Variants in NPHP4 observed in about 807,000 individuals in gnomAD.
The protein encoded by NPHP4 is nephrocystin 4, also known as nephrocystin-4.
NPHP4 carries 151 observed loss-of-function variants against 155.8 expected under a neutral mutation model. The observed-to-expected ratio is 0.97, with a 90% confidence interval of 0.85 to 1.11. The LOEUF (loss-of-function observed/expected upper bound fraction) is 1.11, where lower values mean the gene tolerates loss of function less well. Ranked by LOEUF, NPHP4 falls within the 50% of genes least tolerant of loss-of-function variation. NPHP4 has a pLI of 0.00. For missense variants in NPHP4, 1,956 were observed against 1,925.7 expected, an observed-to-expected ratio of 1.02 and a Z score of -0.29; for synonymous variants, 845 against 816.8, an observed-to-expected ratio of 1.03 and a Z score of -0.59.
chr1:5,863,816 A>C, intron 29 of NPHP4, 74 bp downstream of exon 29: 3 of 1,508,708 alleles, frequency 2.0e-6, no homozygotes, highest in South Asian at 2.3e-5. Flanking sequence ...ACTCGCTCCT[A>C]AATGCAGGCT....
chr1:5,877,389 A>G (rs1270192503), intron 19 of NPHP4, 91 bp from the exon 20 acceptor site: 1 of 1,022,164 alleles, frequency 9.8e-7, no homozygotes, highest in African/African-American at 1.6e-5. Flanking sequence ...GACCACCTAT[A>G]TAGGGAGGGA....
intron 9 of NPHP4, 60 bp from the exon 10 acceptor site, chr1:5,933,389 G>T: frequency 1.5e-6 from 2 of 1,349,578 alleles, no homozygotes; most frequent in South Asian, 1.2e-5. Flanking sequence ...CTGGAGAGGG[G>T]AAATCAACAG....
chr1:5,988,329 C>T lies in NPHP4; in HGVS notation c.-38-2002G>A, dbSNP rs1655778271. ...TTTCCTTCACATACTTCAACCAAGG[C>T]AACACAAGGCAACAGACTGAGTACA... On this transcript the variant is annotated intron_variant, in intron 1 of 29. Coordinates refer to ENST00000378156, the MANE Select transcript of NPHP4 (RefSeq NM_015102.5). Among the ~76,000 whole-genome samples, 4 of 152,170 alleles carry T rather than the reference C, an allele frequency of 2.6e-5. No homozygotes were observed. The South Asian group carries it at 8.3e-4, about 31-fold the overall frequency.
At chr1:5,986,375 T>C (rs1655495770) in intron 1 of NPHP4, 48 bp from the exon 2 acceptor site, 1 of 1,441,388 alleles carries the variant, frequency 6.9e-7, no homozygotes, top group African/African-American at 1.4e-5. Context: ...AGGGCTACAG[T>C]GGTCACAGCA....
intron 6 of NPHP4, among the ~76,000 whole-genome samples, chr1:5,957,112 C>T (rs1416528088): frequency 6.6e-6 from 1 of 152,200 alleles, no homozygotes; most frequent in Non-Finnish European, 1.5e-5. Context: ...GCAGCAGAGG[C>T]GTTCTGCCCT....
intron 9 of NPHP4, among the ~76,000 whole-genome samples, chr1:5,938,813 C>T (rs1242317363): frequency 1.3e-5 from 2 of 152,174 alleles, no homozygotes; most frequent in Non-Finnish European, 2.9e-5. Context: ...ACATCAGAAT[C>T]GTCTGAATCA....
At chr1:5,932,390 T>C (rs1646321506) in intron 10 of NPHP4, among the ~76,000 whole-genome samples, 1 of 152,186 alleles carries the variant, frequency 6.6e-6, no homozygotes, top group Non-Finnish European at 1.5e-5. Context: ...ATATTCTAAA[T>C]ATTACATCTA....
At chr1:5,991,503 G>A (rs1362193181) in intron 1 of NPHP4, 1 of 152,272 alleles carries the variant, frequency 6.6e-6, no homozygotes. Flanking sequence ...ACACACGGAG[G>A]CAGAAAGCAG....
At chr1:5,946,277 A>G (rs945400877) in intron 9 of NPHP4, among the ~76,000 whole-genome samples, 22 of 152,202 alleles carry the variant, frequency 1.4e-4, no homozygotes, top group African/African-American at 5.3e-4. Context: ...AAGAATCTAC[A>G]TTAATATAAA....
In NPHP4 at chr1:5,904,735, G is replaced by A. The variant is rs1443623852; in HGVS notation, c.2025C>T (p.Phe675=). The A allele has an allele frequency of 1.9e-6, 3 of 1,614,002 alleles. No individual in the cohort carries two copies. The highest frequency in any genetic ancestry group is 2.2e-5 in the East Asian group (1 of 44,882). The stretch of plus-strand genomic sequence containing the variant: ...GCAGTCGTGGCGTCGTTGCGGGTGG[G>A]AAGCGGTAGAACTGGAAGGTGAAAT... ...TVYFTFQFYR[F]PPATTPRLQL... is the part of the protein sequence containing the mutation. The change falls in exon 16 of 30, where the codon TTC becomes TTT. Residue 675 remains phenylalanine, a synonymous_variant. Coordinates refer to ENST00000378156, the MANE Select transcript of NPHP4 (RefSeq NM_015102.5).
chr1:5,986,180 C>T lies in NPHP4; in HGVS notation c.110G>A (p.Trp37Ter). 1.9e-6 allele frequency: 3 copies of T among 1,613,868 alleles called. No individual in the cohort carries two copies. The highest frequency in any genetic ancestry group is 2.2e-5 in the South Asian group (2 of 91,042). ...CTGCCTAATTACCGGTCCGTCCAGCCACTTGAGGACACACTGGAATGCCGT... is the reference window on the plus strand; with the variant it reads ...CTGCCTAATTACCGGTCCGTCCAGCTACTTGAGGACACACTGGAATGCCGT... ...ESTAFQCVLKWLDGPVIRQGV... is the reference protein window; with the variant it reads ...ESTAFQCVLK Residue 37 changes from tryptophan (W) to a stop codon, truncating the protein, a stop_gained, in exon 2 of 30, where the codon TGG becomes TAG. Transcript: ENST00000378156. LOFTEE classifies it high-confidence loss of function.
At chr1:5,958,605 G>C (rs1421048545) in intron 6 of NPHP4, among the ~76,000 whole-genome samples, 5 of 151,946 alleles carry the variant, frequency 3.3e-5, no homozygotes, top group Non-Finnish European at 7.4e-5. Flanking sequence ...TGAGGGAGGA[G>C]GATCACTTGA....
chr1:5,947,834 C>T (rs1426774065), intron 8 of NPHP4, among the ~76,000 whole-genome samples: 1 of 151,992 alleles, frequency 6.6e-6, no homozygotes, highest in Non-Finnish European at 1.5e-5. Context: ...CAGCTGGAAG[C>T]ATCCATAATG....
chr1:5,872,887 T>C (rs1642148873), intron 23 of NPHP4, among the ~76,000 whole-genome samples: 1 of 152,152 alleles, frequency 6.6e-6, no homozygotes, highest in African/African-American at 2.4e-5. Flanking sequence ...TACGTCTTAT[T>C]TCCAGGAAGA....
At position 5,933,165 on chromosome 1, in the gene NPHP4, G is replaced by A. The variant is rs371364599; in HGVS notation, c.1284C>T (p.Ala428=). 9 of 1,595,376 alleles carry A rather than the reference G, an allele frequency of 5.6e-6. No individual in the cohort carries two copies. Among genetic ancestry groups the A allele is most frequent in the Non-Finnish European group, 6.9e-6 (8 of 1,166,680 alleles). ...AATTTACCTCTTCAGAGCTCATGCT[G>A]GCTGAGGGTACCTTGTAGACCAGAC... ...SHCLVYKVPS[A]SMSSEEVKQV... Residue 428 remains alanine (A), a synonymous_variant, in exon 10 of 30, where the codon GCC becomes GCT. Transcript: ENST00000378156.
At chr1:5,959,811 C>T (rs2011197) in intron 6 of NPHP4, among the ~76,000 whole-genome samples, 126,970 of 151,968 alleles carry the variant, frequency 0.84, 53,263 homozygotes, top group African/African-American at 0.92. Context: ...CAGTATCTAA[C>T]AGGCAACATC....
intron 3 of NPHP4, among the ~76,000 whole-genome samples, chr1:5,973,232 A>G (rs1358654690): frequency 6.6e-6 from 1 of 152,308 alleles, no homozygotes; most frequent in East Asian, 1.9e-4. Context: ...AAGGAGTTTA[A>G]AGCACTTGTC....
At chr1:5,884,431 G>A (rs367756305) in intron 18 of NPHP4, among the ~76,000 whole-genome samples, 1 of 151,052 alleles carries the variant, frequency 6.6e-6, no homozygotes, top group Non-Finnish European at 1.5e-5. Context: ...GCTCCCAGCC[G>A]AACCCCCGTC....
At chr1:5,960,529 C>T (rs542195040) in intron 6 of NPHP4, among the ~76,000 whole-genome samples, 17 of 152,212 alleles carry the variant, frequency 1.1e-4, no homozygotes, top group East Asian at 5.8e-4. Context: ...TCTCGGTCCC[C>T]GCCCCTCACA....
Sources: gnomAD v4.1 joint callset for allele counts (sites outside exome capture counted in the v4.1 genomes callset) on GRCh38, gnomAD v4.1.1 for gene constraint, MANE v1.5 for transcripts, NCBI Gene and HGNC (gene_info 2026-07-23, HGNC 2026-07-21) for gene names.